Variants in GPATCH8 observed in about 807,000 individuals in gnomAD.
The protein encoded by GPATCH8 is G patch domain-containing protein 8.
GPATCH8 carries 18 observed loss-of-function variants against 118.3 expected under a neutral mutation model. The ratio of observed to expected loss-of-function variants is 0.15; its 90% CI spans 0.11 to 0.23. The LOEUF (loss-of-function observed/expected upper bound fraction) is 0.23, where lower values mean the gene tolerates loss of function less well. GPATCH8 is among the 10% of genes least tolerant of loss of function. The pLI is 1.00. For missense variants in GPATCH8, 1,631 were observed against 1,873.8 expected, an observed-to-expected ratio of 0.87 and a Z score of 2.39; for synonymous variants, 659 against 684.7, an observed-to-expected ratio of 0.96 and a Z score of 0.59.
chr17:44,400,165 C>G lies in GPATCH8; in HGVS notation c.1912G>C (p.Ala638Pro), dbSNP rs769832547. The change falls in exon 8 of 8, where the codon GCC becomes CCC. Residue 638 changes from alanine to proline, a missense_variant. Physicochemically the swap from Ala to Pro is conservative, Grantham distance 27 (BLOSUM62 -1). This residue lies in a region of GPATCH8 where 922 missense variants were observed against 879.7 expected (regional missense o/e 1.05). Coordinates refer to ENST00000591680, the MANE Select transcript of GPATCH8 (RefSeq NM_001002909.4). Reference protein sequence around the residue: ...GRMDAPASGSACSGLNKQEPG... With the variant: ...GRMDAPASGSPCSGLNKQEPG... ...TCCTGCTTGTTCAGGCCGCTACAGG[C>G]AGACCCTGAAGCAGGTGCGTCCATT... The G allele has an allele frequency of 6.2e-7, 1 of 1,613,866 alleles. No individual in the cohort carries two copies. Among genetic ancestry groups the G allele is most frequent in the Non-Finnish European group, 8.5e-7 (1 of 1,179,844 alleles).
intron 1 of GPATCH8, 100 bp downstream of exon 1, chr17:44,503,226 G>A: frequency 8.9e-7 from 1 of 1,126,896 alleles, no homozygotes; most frequent in Middle Eastern, 1.9e-4. Context: ...TTCGCAAGTC[G>A]GAGCAAAACT....
At chr17:44,462,950 T>A (rs2051617916) in intron 3 of GPATCH8, among the ~76,000 whole-genome samples, 1 of 151,638 alleles carries the variant, frequency 6.6e-6, no homozygotes, top group Admixed American at 6.6e-5. Flanking sequence ...CGCTGCACTC[T>A]AGCCTGGGCG....
At chr17:44,483,437 G>C (rs182600612) in intron 1 of GPATCH8, among the ~76,000 whole-genome samples, 269 of 150,132 alleles carry the variant, frequency 1.8e-3, no homozygotes, top group South Asian at 1.0e-2. Flanking sequence ...TTTTAGTAGA[G>C]ATGGGGTTTC....
At position 44,396,777 on chromosome 17, in the gene GPATCH8, T is replaced by TA. The variant is rs755179686; in HGVS notation, c.*790dup. The stretch of plus-strand genomic sequence containing the variant: ...TAGAGTTCAGTGCAATTTTTTACAT[T>TA]AAAAAAATCCTATAAATTAAGAAGG... On this transcript the variant is annotated 3_prime_UTR_variant, in exon 8 of 8. Transcript: ENST00000591680. 4 of 453,828 alleles carry TA rather than the reference T, an allele frequency of 8.8e-6. No homozygotes were observed. Among genetic ancestry groups the TA allele is most frequent in the Non-Finnish European group, 1.8e-5 (4 of 226,674 alleles). 28.1% of individuals were successfully genotyped at this position (453,828 alleles called of 1,614,324 possible).
In GPATCH8 at chr17:44,416,320, T is replaced by C. The variant is rs1313967781; in HGVS notation, c.492+8029A>G. On this transcript the variant is annotated intron_variant, in intron 6 of 7. Coordinates refer to ENST00000591680, the MANE Select transcript of GPATCH8 (RefSeq NM_001002909.4). Reference sequence around the variant, plus strand: ...GCCACCATGCCTGGCCTTCAGCAGATTTTTTTTTAAGGTTAGCTATGTCGT... The same window carrying C: ...GCCACCATGCCTGGCCTTCAGCAGACTTTTTTTTAAGGTTAGCTATGTCGT... Among the ~76,000 whole-genome samples, 5 of 24,164 alleles carry C rather than the reference T, an allele frequency of 2.1e-4. No homozygotes were observed. In the South Asian group the frequency reaches 3.2e-3, roughly 16 times the overall value. The allele number at this position is 24,164 out of a possible 152,430, so 15.9% of individuals were successfully genotyped here. A position where few individuals can be genotyped will look rare whatever the true frequency, so the allele number is the denominator to read the frequency against.
At chr17:44,494,278 A>G (rs902506570) in intron 1 of GPATCH8, among the ~76,000 whole-genome samples, 2 of 151,980 alleles carry the variant, frequency 1.3e-5, no homozygotes, top group African/African-American at 4.8e-5. Context: ...GTCCTCATTC[A>G]TCTCCTTACC....
chr17:44,431,829 G>T (rs1029338618), intron 5 of GPATCH8, among the ~76,000 whole-genome samples: 1 of 151,310 alleles, frequency 6.6e-6, no homozygotes, highest in Non-Finnish European at 1.5e-5. Context: ...GGGAGGCTGA[G>T]GTGGGAGGAT....
chr17:44,398,656 T>G lies in GPATCH8; in HGVS notation c.3421A>C (p.Asn1141His). The G allele has an allele frequency of 6.4e-7, 1 of 1,561,260 alleles. No individual in the cohort carries two copies. The highest frequency in any genetic ancestry group is 8.7e-7 in the Non-Finnish European group (1 of 1,154,524). The change falls in exon 8 of 8, where the codon AAT becomes CAT. Residue 1141 changes from asparagine (N) to histidine (H), a missense_variant. This residue lies in a region of GPATCH8 where 922 missense variants were observed against 879.7 expected (regional missense o/e 1.05). Coordinates refer to ENST00000591680, the MANE Select transcript of GPATCH8 (RefSeq NM_001002909.4). Reference protein sequence around the residue: ...FGPKLPPSLGNKPVLPLIGKL... With the variant: ...FGPKLPPSLGHKPVLPLIGKL... ...CCTATCAGTGGAAGGACAGGCTTAT[T>G]GCCAAGAGATGGGGGGAGCTTGGGC... is the stretch of plus-strand genomic sequence containing the variant.
At chr17:44,422,529 A>G (rs543325368) in intron 6 of GPATCH8, among the ~76,000 whole-genome samples, 280 of 150,998 alleles carry the variant, frequency 1.9e-3, no homozygotes, top group African/African-American at 6.5e-3. Context: ...TTGCTCTGTC[A>G]CCCAGGCTGG....
At chr17:44,430,883 T>G (rs2050286099) in intron 5 of GPATCH8, among the ~76,000 whole-genome samples, 1 of 148,454 alleles carries the variant, frequency 6.7e-6, no homozygotes, top group African/African-American at 2.5e-5. Context: ...ACTCCTGACC[T>G]CAAGTGACCC....
At chr17:44,428,199 A>G (rs2050158007) in intron 5 of GPATCH8, among the ~76,000 whole-genome samples, 1 of 152,014 alleles carries the variant, frequency 6.6e-6, no homozygotes. Context: ...AGTCCTTCAA[A>G]AAGTACTCGT....
chr17:44,426,688 T>C (rs977609853), intron 5 of GPATCH8, among the ~76,000 whole-genome samples: 1 of 147,780 alleles, frequency 6.8e-6, no homozygotes, highest in Non-Finnish European at 1.5e-5. Flanking sequence ...AAAGGGCACA[T>C]AGTGTGACAA....
chr17:44,464,895 T>C (rs1334490145), intron 2 of GPATCH8: 1 of 289,894 alleles, frequency 3.4e-6, no homozygotes, highest in Non-Finnish European at 6.6e-6. Flanking sequence ...AAGGTACTTA[T>C]ACAGTCATAT....
chr17:44,402,381 C>T (rs2049059934), intron 7 of GPATCH8, among the ~76,000 whole-genome samples: 1 of 149,694 alleles, frequency 6.7e-6, no homozygotes, highest in Non-Finnish European at 1.5e-5. Context: ...AATAGCCCAT[C>T]ATTACTATGT....
At position 44,399,377 on chromosome 17, in the gene GPATCH8, T is replaced by C. The variant is rs780160496; in HGVS notation, c.2700A>G (p.Arg900=). 2 of 1,613,990 alleles carry C rather than the reference T, an allele frequency of 1.2e-6. No individual in the cohort carries two copies. The highest frequency in any genetic ancestry group is 1.3e-5 in the African/African-American group (1 of 74,928). ...GGGAGCGCTTGGAGTGCCTTCGTGA[T>C]CTGTCACTGTAGTCACTGTAGCTGT... ...SDDSYSDYSD[R]SRRHSKRSHD... Residue 900 remains arginine (R), a synonymous_variant, in exon 8 of 8, where the codon AGA becomes AGG. Coordinates refer to ENST00000591680, the MANE Select transcript of GPATCH8 (RefSeq NM_001002909.4).
rs368842431 is a variant in GPATCH8 at position 44,399,109 on chromosome 17, G to A, written c.2968C>T (p.Arg990Trp). 1.2e-4 allele frequency: 196 copies of A among 1,613,220 alleles called. No individual in the cohort carries two copies. Among genetic ancestry groups the A allele is most frequent in the Non-Finnish European group, 1.6e-4 (184 of 1,179,498 alleles). Residue 990 changes from arginine (R) to tryptophan (W), a missense_variant, in exon 8 of 8, where the codon CGG (arginine) becomes TGG (tryptophan). This residue lies in a region of GPATCH8 where 922 missense variants were observed against 879.7 expected (regional missense o/e 1.05). Transcript: ENST00000591680. ...CTCCTGGTGCTGCGGCTGCGGTCCC[G>A]GCTATAGCTCCGGCTCCGTTGCCAG... ...HSWQRSRSYS[R>W]DRSRSTRSPS...
chr17:44,407,383 A>G (rs572360136), intron 6 of GPATCH8: 1 of 152,352 alleles, frequency 6.6e-6, no homozygotes, highest in South Asian at 2.1e-4. Context: ...GTAAACTATT[A>G]TACTGAACAA....
intron 3 of GPATCH8, among the ~76,000 whole-genome samples, chr17:44,462,911 G>C (rs752136302): frequency 3.3e-5 from 5 of 152,034 alleles, no homozygotes; most frequent in Non-Finnish European, 5.9e-5. Context: ...AACCCGGGAG[G>C]TGGAGCTGGC....
chr17:44,501,938 A>G (rs967291046), intron 1 of GPATCH8, among the ~76,000 whole-genome samples: 21 of 151,768 alleles, frequency 1.4e-4, no homozygotes, highest in South Asian at 4.2e-4. Context: ...ATATGTGTGT[A>G]TATATATATA....
Sources: gnomAD v4.1 joint callset for allele counts (sites outside exome capture counted in the v4.1 genomes callset) on GRCh38, gnomAD v4.1.1 for gene constraint, gnomAD v4.1.1 regional missense constraint, MANE v1.5 for transcripts, NCBI Gene and HGNC (gene_info 2026-07-23, HGNC 2026-07-21) for gene names.